ZNF469: variants seen among roughly 807,000 people sequenced by gnomAD.
ZNF469 encodes zinc finger protein 469.
A neutral mutation model predicts 1.0 loss-of-function variants in ZNF469; 1 was observed. The ratio of observed to expected loss-of-function variants is 1.00; its 90% confidence interval spans 0.35 to 4.73. The LOEUF (loss-of-function observed/expected upper bound fraction) is 4.73, where lower values mean the gene tolerates loss of function less well. Ranked by LOEUF, ZNF469 falls within the 30% of genes most tolerant of loss-of-function variation. The probability of loss-of-function intolerance (pLI) is 0.16; values close to 1 mark genes in which losing one functional copy is unlikely to be tolerated. For synonymous variants in ZNF469, 2,703 were observed against 2,363.4 expected (o/e 1.14, Z -4.17); for missense variants, 6,100 against 5,356.3 (o/e 1.14, Z -4.33).
chr16:88,266,444 C>T, the ZNF469 span, among the ~76,000 whole-genome samples: 3 of 152,330 alleles, frequency 2.0e-5, no homozygotes, highest in South Asian at 2.1e-4. Flanking sequence ...GAAGGTCACT[C>T]GTGTCCTCGG....
the ZNF469 span, among the ~76,000 whole-genome samples, chr16:88,134,086 A>T: frequency 7.1e-6 from 1 of 140,852 alleles, no homozygotes; most frequent in Non-Finnish European, 1.6e-5. Flanking sequence ...CAACAGAGCG[A>T]GTCTCTGTCT....
Position 88,430,067 on chromosome 16 carries a change from A to G in ZNF469, c.2597A>G (p.Asp866Gly). Residue 866 changes from aspartate (D) to glycine (G), a missense_variant, in exon 3 of 3, where the codon GAC (aspartate) becomes GGC (glycine). By Grantham distance (94) the Asp-to-Gly change is moderately conservative (BLOSUM62 -1). Transcript: ENST00000565624. ...DNPEIDSSFIDVFADEEPSGP... is the reference protein window; with the variant it reads ...DNPEIDSSFIGVFADEEPSGP... ...CCGGAGATCGACAGCAGCTTCATCG[A>G]CGTCTTCGCGGACGAGGAGCCTTCC... The G allele has an allele frequency of 6.5e-7, 1 of 1,550,330 alleles. No individual in the cohort carries two copies. The highest frequency in any genetic ancestry group is 8.7e-7 in the Non-Finnish European group (1 of 1,146,958).
chr16:88,328,157 T>G, the ZNF469 span, among the ~76,000 whole-genome samples: 1 of 152,206 alleles, frequency 6.6e-6, no homozygotes, highest in African/African-American at 2.4e-5. Context: ...AGTCTGTGCT[T>G]CTCGCCCGGG....
At chr16:88,422,150 G>GGGTGGATGGGCA (rs1344515830) in intron 1 of ZNF469, among the ~76,000 whole-genome samples, 3 of 151,540 alleles carry the variant, frequency 2.0e-5, no homozygotes, top group Non-Finnish European at 2.9e-5. Context: ...GTGAACGGGT[G>GGGTGGATGGGCA]GGTGGATGGG....
the ZNF469 span, among the ~76,000 whole-genome samples, chr16:88,369,829 G>A: frequency 6.6e-6 from 1 of 152,172 alleles, no homozygotes; most frequent in African/African-American, 2.4e-5. Context: ...CCCAGCCCCA[G>A]CTTCCGGGGA....
At chr16:88,372,495 C>T in the ZNF469 span, among the ~76,000 whole-genome samples, 1 of 151,622 alleles carries the variant, frequency 6.6e-6, no homozygotes, top group East Asian at 1.9e-4. Context: ...CCACCATCAC[C>T]ACCATCACCA....
intron 1 of ZNF469, among the ~76,000 whole-genome samples, chr16:88,406,795 C>T (rs1197934500): frequency 6.6e-6 from 1 of 152,108 alleles, no homozygotes; most frequent in African/African-American, 2.4e-5. Context: ...GGTTGTGCCT[C>T]GAGTACTGTT....
At chr16:88,246,284 G>A in the ZNF469 span, among the ~76,000 whole-genome samples, 293 of 152,312 alleles carry the variant, frequency 1.9e-3, no homozygotes, top group African/African-American at 6.9e-3. Context: ...TTTAACATTT[G>A]CTGTGCACCT....
chr16:88,142,385 C>T, the ZNF469 span, among the ~76,000 whole-genome samples: 9 of 152,254 alleles, frequency 5.9e-5, no homozygotes, highest in Admixed American at 1.3e-4. Context: ...ATGATGTTGG[C>T]GGGCCAGAAT....
At chr16:88,337,623 T>A in the ZNF469 span, among the ~76,000 whole-genome samples, 1 of 152,182 alleles carries the variant, frequency 6.6e-6, no homozygotes, top group Non-Finnish European at 1.5e-5. Context: ...TCATTTTGCA[T>A]CCCCATTTGC....
chr16:88,130,845 C>G, the ZNF469 span, among the ~76,000 whole-genome samples: 2 of 152,144 alleles, frequency 1.3e-5, no homozygotes, highest in Admixed American at 1.3e-4. Context: ...CGCTGGGAAA[C>G]GACGCTGCCT....
At chr16:88,119,116 G>A in the ZNF469 span, among the ~76,000 whole-genome samples, 1 of 152,226 alleles carries the variant, frequency 6.6e-6, no homozygotes, top group Non-Finnish European at 1.5e-5. Context: ...TCTGTGGAAT[G>A]AAAATAACGT....
At chr16:88,402,389 G>A (rs1904907791) in intron 1 of ZNF469, among the ~76,000 whole-genome samples, 1 of 152,176 alleles carries the variant, frequency 6.6e-6, no homozygotes, top group African/African-American at 2.4e-5. Flanking sequence ...GCTGAGTGCT[G>A]TGGGTAGCAC....
the ZNF469 span, among the ~76,000 whole-genome samples, chr16:88,270,865 C>T: frequency 6.6e-6 from 1 of 152,358 alleles, no homozygotes; most frequent in Admixed American, 6.5e-5. Context: ...TGAGCCTCCA[C>T]CCATTTATTC....
At chr16:88,108,295 A>C in the ZNF469 span, among the ~76,000 whole-genome samples, 1 of 151,682 alleles carries the variant, frequency 6.6e-6, no homozygotes, top group African/African-American at 2.4e-5. Context: ...GACGCCTTCC[A>C]GTGAGCCCTG....
the ZNF469 span, among the ~76,000 whole-genome samples, chr16:88,119,908 T>C: frequency 6.6e-6 from 1 of 152,162 alleles, no homozygotes; most frequent in African/African-American, 2.4e-5. Context: ...CAGACCACAT[T>C]TGCAAAGCGA....
the ZNF469 span, among the ~76,000 whole-genome samples, chr16:88,303,199 C>G: frequency 6.6e-6 from 1 of 152,188 alleles, no homozygotes; most frequent in African/African-American, 2.4e-5. Flanking sequence ...ATTGTCGGAG[C>G]AATCCAGAGC....
chr16:88,153,045 C>T, the ZNF469 span, among the ~76,000 whole-genome samples: 33 of 152,246 alleles, frequency 2.2e-4, no homozygotes, highest in African/African-American at 5.3e-4. Context: ...TGGGGGGTGG[C>T]GCGAGGGTTC....
the ZNF469 span, among the ~76,000 whole-genome samples, chr16:88,275,304 C>T: frequency 3.7e-4 from 56 of 152,310 alleles, no homozygotes; most frequent in South Asian, 0.011. Context: ...ATGCAAAGAC[C>T]CCAGCCTCCG....
Sources: gnomAD v4.1 joint callset for allele counts (sites outside exome capture counted in the v4.1 genomes callset) on GRCh38, gnomAD v4.1.1 for gene constraint, MANE v1.5 for transcripts, NCBI Gene and HGNC (gene_info 2026-07-23, HGNC 2026-07-21) for gene names.